EML1: variants seen among roughly 807,000 people sequenced by gnomAD.
EML1 encodes the protein EMAP like 1, also known as echinoderm microtubule-associated protein-like 1.
Under a neutral mutation model 110.4 loss-of-function variants are expected in EML1, and 27 were observed. That is an observed-to-expected ratio of 0.24 (90% CI 0.18 to 0.34). The LOEUF is 0.34. EML1 is among the 10% of genes least tolerant of loss of function. EML1 has a pLI of 1.00. For missense variants in EML1, 741 were observed against 1,030.9 expected, an observed-to-expected ratio of 0.72 and a Z score of 3.85; for synonymous variants, 344 against 385.8, an observed-to-expected ratio of 0.89 and a Z score of 1.27.
chr14:99,870,864 G>A (rs144328750), intron 3 of EML1, among the ~76,000 whole-genome samples: 92 of 152,298 alleles, frequency 6.0e-4, no homozygotes, highest in African/African-American at 1.8e-3. Flanking sequence ...CTGATGGAGC[G>A]GAAATTAATG....
chr14:99,887,551 C>A (rs999208432), intron 4 of EML1, among the ~76,000 whole-genome samples: 6 of 152,144 alleles, frequency 3.9e-5, no homozygotes, highest in Admixed American at 2.0e-4. Flanking sequence ...ACCCCGCCAC[C>A]GCCATGGAGC....
At chr14:99,841,225 G>A (rs943652530) in intron 1 of EML1, among the ~76,000 whole-genome samples, 1 of 152,200 alleles carries the variant, frequency 6.6e-6, no homozygotes, top group African/African-American at 2.4e-5. Flanking sequence ...TGCAGAGAGA[G>A]ACCTGCACAG....
chr14:99,831,548 G>A (rs556791004), intron 1 of EML1, among the ~76,000 whole-genome samples: 6 of 152,282 alleles, frequency 3.9e-5, no homozygotes, highest in African/African-American at 1.4e-4. Context: ...GTAAAATGGT[G>A]GGAGGCATAC....
At chr14:99,755,674 G>T (rs2057242680) in intron 1 of EML1, among the ~76,000 whole-genome samples, 1 of 152,166 alleles carries the variant, frequency 6.6e-6, no homozygotes. Flanking sequence ...GGGGAACAGG[G>T]TGCCTCTCTG....
chr14:99,755,215 C>T (rs984689471), intron 1 of EML1, among the ~76,000 whole-genome samples: 6 of 152,228 alleles, frequency 3.9e-5, no homozygotes, highest in African/African-American at 1.4e-4. Context: ...TCCAGGCACC[C>T]AGCCGGTGAC....
At chr14:99,892,240 T>C (rs568588781) in intron 5 of EML1, 560 of 980,958 alleles carry the variant, frequency 5.7e-4, no homozygotes, top group Admixed American at 7.4e-4. Context: ...AGCAAAGCTG[T>C]TACCCAGGCT....
Position 99,931,038 on chromosome 14 carries a change from T to G in EML1, c.1910-4991T>G, listed in dbSNP as rs944908675. On this transcript the variant is annotated intron_variant, in intron 17 of 21. Coordinates refer to ENST00000262233, the MANE Select transcript of EML1 (RefSeq NM_004434.3). The stretch of plus-strand genomic sequence containing the variant: ...CACTTGCAGTATTAGATCCCCCATC[T>G]GCCTGGGTCTGAGCCCTGTGCTGAT... 6.6e-5 allele frequency among the ~76,000 whole-genome samples: 10 copies of G among 152,346 alleles called. 1 individual carries two copies. The Middle Eastern group carries it at 0.01, about 155-fold the overall frequency.
chr14:99,813,113 C>A (rs1424160200), intron 1 of EML1, among the ~76,000 whole-genome samples: 1 of 152,134 alleles, frequency 6.6e-6, no homozygotes, highest in Non-Finnish European at 1.5e-5. Context: ...GCTGATTAAT[C>A]TTGTTTTGCC....
At chr14:99,907,792 G>A in intron 10 of EML1, 59 bp downstream of exon 10, 1 of 1,542,168 alleles carries the variant, frequency 6.5e-7, no homozygotes, top group Non-Finnish European at 8.9e-7. Flanking sequence ...AGCCGCCCTG[G>A]CATAGTGGTA....
intron 1 of EML1, among the ~76,000 whole-genome samples, chr14:99,800,082 A>G (rs1417683683): frequency 6.6e-6 from 1 of 152,240 alleles, no homozygotes; most frequent in African/African-American, 2.4e-5. Context: ...AAGCATTACT[A>G]ATTACAAACA....
At chr14:99,851,599 G>A (rs1383042731) in intron 2 of EML1, among the ~76,000 whole-genome samples, 6 of 152,170 alleles carry the variant, frequency 3.9e-5, no homozygotes, top group South Asian at 2.1e-4. Flanking sequence ...GAGCCACTGC[G>A]CCCGGCCGAG....
At chr14:99,796,312 C>T (rs1188628584) in intron 1 of EML1, among the ~76,000 whole-genome samples, 1 of 151,670 alleles carries the variant, frequency 6.6e-6, no homozygotes, top group African/African-American at 2.4e-5. Flanking sequence ...ATACTTCTTT[C>T]TTGGTGTCTC....
intron 4 of EML1, among the ~76,000 whole-genome samples, chr14:99,880,928 G>T (rs905528400): frequency 6.6e-6 from 1 of 152,216 alleles, no homozygotes; most frequent in African/African-American, 2.4e-5. Flanking sequence ...TGGAGCAGAG[G>T]AAAGTAATCA....
chr14:99,926,223 C>G (rs1198245094), intron 17 of EML1, among the ~76,000 whole-genome samples: 1 of 151,788 alleles, frequency 6.6e-6, no homozygotes, highest in Non-Finnish European at 1.5e-5. Context: ...AGAGGATTGG[C>G]CAACCTTCTC....
At chr14:99,753,203 CGCCG>C (rs2057199206) in intron 1 of EML1, among the ~76,000 whole-genome samples, 1 of 117,442 alleles carries the variant, frequency 8.5e-6, no homozygotes, top group African/African-American at 3.0e-5. Context: ...CCCGCCCCCC[CGCCG>C]CCCCCCCACC....
At chr14:99,932,962 A>T (rs909086940) in intron 17 of EML1, among the ~76,000 whole-genome samples, 1 of 152,088 alleles carries the variant, frequency 6.6e-6, no homozygotes, top group African/African-American at 2.4e-5. Flanking sequence ...ACAAAAAAAT[A>T]AAAAAATTAG....
chr14:99,923,144 G>A (rs545740464), intron 17 of EML1, among the ~76,000 whole-genome samples: 1 of 152,186 alleles, frequency 6.6e-6, no homozygotes, highest in South Asian at 2.1e-4. Context: ...GTTTCGCCAT[G>A]TTGCCCAGGC....
Position 99,885,754 on chromosome 14 carries a change from T to C in EML1, c.519-5445T>C. On this transcript the variant is annotated intron_variant, in intron 4 of 21. Transcript: ENST00000262233. The stretch of plus-strand genomic sequence containing the variant: ...TCTGGAAATACAAAGGTTTTTGCAG[T>C]GAAAGGAGGAGGAAGAGGGAAGCCA... 8.3e-6 allele frequency: 3 copies of C among 359,560 alleles called. No homozygotes were observed. In the Admixed American group the frequency reaches 1.1e-4, roughly 13 times the overall value. The allele number at this position is 359,560 out of a possible 1,614,324, so 22.3% of individuals were successfully genotyped here.
At chr14:99,870,005 G>A (rs1449340987) in intron 3 of EML1, among the ~76,000 whole-genome samples, 1 of 152,154 alleles carries the variant, frequency 6.6e-6, no homozygotes, top group African/African-American at 2.4e-5. Context: ...ACCCAGCCTT[G>A]GGCATTCCTT....
Sources: gnomAD v4.1 joint callset for allele counts (sites outside exome capture counted in the v4.1 genomes callset) on GRCh38, gnomAD v4.1.1 for gene constraint, MANE v1.5 for transcripts, NCBI Gene and HGNC (gene_info 2026-07-23, HGNC 2026-07-21) for gene names.